Variants in GLS2 observed in about 807,000 individuals in gnomAD.
GLS2 encodes glutaminase 2.
In GLS2, 52 loss-of-function variants were observed where a neutral mutation model predicts 79.0. That is an observed-to-expected ratio of 0.66 (90% CI 0.53 to 0.83). GLS2 has a LOEUF of 0.83. Ranked by LOEUF, GLS2 falls within the 40% of genes least tolerant of loss-of-function variation. The pLI, the probability that GLS2 is intolerant of heterozygous loss-of-function variation, is 0.00. For missense variants in GLS2, 561 were observed against 764.8 expected (o/e 0.73, Z 3.14); for synonymous variants, 238 against 280.8 (o/e 0.85, Z 1.52).
chr12:56,475,271 G>A (rs1869704990), intron 9 of GLS2, 161 bp from the exon 10 acceptor site: 1 of 1,526,534 alleles, frequency 6.6e-7, no homozygotes, highest in African/African-American at 1.4e-5. Flanking sequence ...TTCTGAACCT[G>A]AGCAAACACT....
In GLS2 at chr12:56,473,523, C is replaced by T; in HGVS notation, c.1296G>A (p.Met432Ile). ...LLVVPNVMGM[M>I]CLSPPLDKLG... ...GCTTGTCCAATGGGGGTGACAGGCA[C>T]ATCATTCCCATGACATTGGGTACCA... Residue 432 changes from methionine (M) to isoleucine (I), a missense_variant, in exon 13 of 18, where the codon ATG becomes ATA. Met to Ile is a conservative substitution (Grantham distance 10). Around this residue, in one of 4 missense-constraint regions of GLS2, gnomAD observed 136 missense variants for 228.6 expected, o/e 0.59. Transcript: ENST00000311966. 1 of 1,613,812 alleles carries T rather than the reference C, an allele frequency of 6.2e-7. No homozygotes were observed. Among genetic ancestry groups the T allele is most frequent in the Non-Finnish European group, 8.5e-7 (1 of 1,180,024 alleles).
chr12:56,473,206 A>G, intron 14 of GLS2, 22 bp downstream of exon 14: 1 of 1,609,574 alleles, frequency 6.2e-7, no homozygotes, highest in Non-Finnish European at 8.5e-7. Context: ...TATTCTTACA[A>G]GCCACCTGGA....
chr12:56,482,462 G>T (rs181377291), intron 1 of GLS2, among the ~76,000 whole-genome samples: 2 of 152,090 alleles, frequency 1.3e-5, no homozygotes, highest in African/African-American at 2.4e-5. Flanking sequence ...CTCTGTAAAG[G>T]CTTCCCCAAA....
At chr12:56,483,712 C>G (rs1870477384) in intron 1 of GLS2, among the ~76,000 whole-genome samples, 2 of 152,100 alleles carry the variant, frequency 1.3e-5, no homozygotes, top group Admixed American at 1.3e-4. Flanking sequence ...TCCCTAGTAG[C>G]TGGGACTATA....
rs1275591637 is a variant in GLS2, at chr12:56,474,700, A to G, written c.1068T>C (p.Thr356=). 1 of 1,611,640 alleles carries G rather than the reference A, an allele frequency of 6.2e-7. No homozygotes were observed. Among genetic ancestry groups the G allele is most frequent in the East Asian group, 2.2e-5 (1 of 44,868 alleles). ...CTGCCATGACACTGCCTGATTCACA[A>G]GTGACCTCCACAGAACACAGCTATG... is the stretch of plus-strand genomic sequence containing the variant. The part of the protein sequence containing the change: ...LYFQLCSVEV[T]CESGSVMAAT... Residue 356 remains threonine (T), a synonymous_variant, in exon 12 of 18, where the codon ACT becomes ACC. Transcript: ENST00000311966.
At position 56,471,272 on chromosome 12, in the gene GLS2, G is replaced by C. The variant is rs2638315; in HGVS notation, c.*215C>G. The C allele has an allele frequency of 0.17, 88,966 of 533,762 alleles. 8,150 individuals carry two copies. Among genetic ancestry groups the C allele is most frequent in the Middle Eastern group, 0.22 (458 of 2,066 alleles). 33.1% of individuals were successfully genotyped at this position (533,762 alleles called of 1,614,324 possible). A position where few individuals can be genotyped will look rare whatever the true frequency, so the allele number is the denominator to read the frequency against. On this transcript the variant is annotated 3_prime_UTR_variant, in exon 18 of 18. Transcript: ENST00000311966. ...TGAAGCCCAGTCTCTCTGGATAGCT[G>C]TACTGCAGGTGTCCTCTGAGGCCCT...
Position 56,472,163 on chromosome 12 carries a change from T to C in GLS2, c.1544A>G (p.Lys515Arg). Residue 515 changes from lysine to arginine, a missense_variant, in exon 16 of 18, where the codon AAA becomes AGA. Transcript: ENST00000311966. Reference sequence around the variant, plus strand: ...CAGAGCTGTGCGCGAGTCATAGTCTTTCTGTTCCATATCCATGGCTGACAA... The same window carrying C: ...CAGAGCTGTGCGCGAGTCATAGTCTCTCTGTTCCATATCCATGGCTGACAA... The part of the protein sequence containing the change: ...FALSAMDMEQ[K>R]DYDSRTALHV... 6.2e-7 allele frequency: 1 copy of C among 1,614,184 alleles called. No individual in the cohort carries two copies. The highest frequency in any genetic ancestry group is 1.1e-5 in the South Asian group (1 of 91,090).
chr12:56,479,683 A>C, intron 3 of GLS2, 97 bp downstream of exon 3: 1 of 1,341,566 alleles, frequency 7.5e-7, no homozygotes, highest in Non-Finnish European at 9.9e-7. Context: ...AAAATGAGGA[A>C]TTGAACTATA....
intron 16 of GLS2, 96 bp from the exon 17 acceptor site, chr12:56,471,932 GA>G: frequency 2.2e-6 from 3 of 1,379,302 alleles, no homozygotes; most frequent in Non-Finnish European, 3.1e-6. Flanking sequence ...GAGGGGAGGG[GA>G]AAAGGCCTCT....
intron 11 of GLS2, 21 bp from the exon 12 acceptor site, chr12:56,474,741 T>G (rs1869641743): frequency 6.2e-7 from 1 of 1,608,896 alleles, no homozygotes. Flanking sequence ...AAAGAATAGG[T>G]GAAGATGTGA....
chr12:56,471,229 A>T lies in GLS2; in HGVS notation c.*258T>A, dbSNP rs1869232229. On this transcript the variant is annotated 3_prime_UTR_variant, in exon 18 of 18. Transcript: ENST00000311966. ...AGCTGGGATGGTTTTGAGTGGGGCA[A>T]GCCATTAGGCTGTACCTTGAAGCCC... 1 of 448,340 alleles carries T rather than the reference A, an allele frequency of 2.2e-6. No individual in the cohort carries two copies. Among genetic ancestry groups the T allele is most frequent in the Non-Finnish European group, 3.9e-6 (1 of 256,582 alleles). The allele number at this position is 448,340 out of a possible 1,614,324, so 27.8% of individuals were successfully genotyped here. A position where few individuals can be genotyped will look rare whatever the true frequency, so the allele number is the denominator to read the frequency against.
chr12:56,475,107 G>A lies in GLS2; in HGVS notation c.933C>T (p.Phe311=), dbSNP rs1327387222. 1.2e-6 allele frequency: 2 copies of A among 1,614,038 alleles called. No individual in the cohort carries two copies. Among genetic ancestry groups the A allele is most frequent in the Admixed American group, 1.7e-5 (1 of 60,016 alleles). Reference sequence around the variant, plus strand: ...GATCCCCTGTTTCCTTCTCTGACTGGAATCTGAAGCAAACACCCAATTTAG... The same window carrying A: ...GATCCCCTGTTTCCTTCTCTGACTGAAATCTGAAGCAAACACCCAATTTAG... ...NEYMGFSNAT[F]QSEKETGDRN... Residue 311 remains phenylalanine, a synonymous_variant, in exon 10 of 18, where the codon TTC becomes TTT. Coordinates refer to ENST00000311966, the MANE Select transcript of GLS2 (RefSeq NM_013267.4).
In GLS2 at chr12:56,472,949, G is replaced by A. The variant is rs565218589; in HGVS notation, c.1450-198C>T. 9.5e-5 allele frequency: 56 copies of A among 586,564 alleles called. 1 individual carries two copies. The highest frequency in any genetic ancestry group is 5.4e-4 in the East Asian group (18 of 33,350). 36.3% of individuals were successfully genotyped at this position (586,564 alleles called of 1,614,324 possible). A position where few individuals can be genotyped will look rare whatever the true frequency, so the allele number is the denominator to read the frequency against. On this transcript the variant is annotated intron_variant, in intron 14 of 17. Transcript: ENST00000311966. ...GTCGTTCAGGCTGAAGTGTAGTGGC[G>A]CGCGGTCTTGGCTCACTGCAACCTC... is the stretch of plus-strand genomic sequence containing the variant.
In GLS2 at chr12:56,471,423, T is replaced by G; in HGVS notation, c.*64A>C. 6.6e-7 allele frequency: 1 copy of G among 1,514,864 alleles called. No individual in the cohort carries two copies. Among genetic ancestry groups the G allele is most frequent in the Non-Finnish European group, 8.9e-7 (1 of 1,123,632 alleles). 93.8% of individuals were successfully genotyped at this position (1,514,864 alleles called of 1,614,324 possible). ...TAGCTCTCCATAGTATTTTTGGTGG[T>G]TATGGATTACATGTGTGGCCAGCTC... On this transcript the variant is annotated 3_prime_UTR_variant, in exon 18 of 18. Transcript: ENST00000311966.
At chr12:56,474,937 C>G in intron 10 of GLS2, 41 bp from the exon 11 acceptor site, 1 of 1,613,990 alleles carries the variant, frequency 6.2e-7, no homozygotes, top group Non-Finnish European at 8.5e-7. Context: ...TTCAGGACAT[C>G]AGCCCTTTCA....
intron 7 of GLS2, 24 bp downstream of exon 7, chr12:56,477,636 T>C (rs1592277620): frequency 6.2e-7 from 1 of 1,606,520 alleles, no homozygotes; most frequent in East Asian, 2.2e-5. Context: ...ATAATACCTA[T>C]CAGAAGGTTA....
In GLS2 at chr12:56,474,636, C is replaced by T. The variant is rs866028079; in HGVS notation, c.1132G>A (p.Glu378Lys). The T allele has an allele frequency of 6.8e-6, 11 of 1,614,016 alleles. No individual in the cohort carries two copies. The highest frequency in any genetic ancestry group is 1.1e-5 in the South Asian group (1 of 91,088). The part of the protein sequence containing the change: ...ANGGICPITG[E>K]SVLSAEAVRN... ...ACTGCTTCAGCACTCAGCACACTCT[C>T]GCCTGTGATGGGGCAGATCCCACCG... Residue 378 changes from glutamate to lysine, a missense_variant, in exon 12 of 18, where the codon GAG becomes AAG. Coordinates refer to ENST00000311966, the MANE Select transcript of GLS2 (RefSeq NM_013267.4).
chr12:56,478,263 C>T lies in GLS2; in HGVS notation c.535-1G>A. ...CCAGCTGAGGGATGTAGGCTGCCAC[C>T]TGGACATGAGTGGGTAGAGAAAAGG... On this transcript the variant is annotated splice_acceptor_variant, in intron 4 of 17. Coordinates refer to ENST00000311966, the MANE Select transcript of GLS2 (RefSeq NM_013267.4). LOFTEE classifies it high-confidence loss of function. The T allele has an allele frequency of 6.2e-7, 1 of 1,614,130 alleles. No individual in the cohort carries two copies. Among genetic ancestry groups the T allele is most frequent in the Non-Finnish European group, 8.5e-7 (1 of 1,179,996 alleles).
At chr12:56,475,202 A>G in intron 9 of GLS2, 92 bp from the exon 10 acceptor site, 1 of 1,604,426 alleles carries the variant, frequency 6.2e-7, no homozygotes, top group Non-Finnish European at 8.5e-7. Context: ...ACAGAACTAC[A>G]TCACACCACA....
Sources: allele counts gnomAD v4.1 joint callset (sites outside exome capture counted in the v4.1 genomes callset), GRCh38; gene constraint gnomAD v4.1.1; regional missense constraint gnomAD v4.1.1; transcripts MANE v1.5; gene names NCBI Gene and HGNC (gene_info 2026-07-23, HGNC 2026-07-21).